TRAPPC10: variants seen among roughly 807,000 people sequenced by gnomAD.
TRAPPC10 encodes TRAPP 130 kDa subunit.
In TRAPPC10, 23 loss-of-function variants were observed where a neutral mutation model predicts 125.5. That is an observed-to-expected ratio of 0.18 (90% confidence interval 0.13 to 0.26). The LOEUF is 0.26. TRAPPC10 is among the 10% of genes least tolerant of loss of function. The probability of loss-of-function intolerance (pLI) is 1.00; values close to 1 mark genes in which losing one functional copy is unlikely to be tolerated. For synonymous variants in TRAPPC10, 509 were observed against 518.0 expected, an observed-to-expected ratio of 0.98 and a Z score of 0.24; for missense variants, 1,123 against 1,308.4, an observed-to-expected ratio of 0.86 and a Z score of 2.19.
rs34848979 is a variant in TRAPPC10, at chr21:44,060,915, T to TACACACACACACACAC, written c.790+1718_790+1733dup. 1.7e-3 allele frequency among the ~76,000 whole-genome samples: 222 copies of TACACACACACACACAC among 132,252 alleles called. 1 individual carries two copies. The highest frequency in any genetic ancestry group is 8.0e-3 in the Middle Eastern group (2 of 250). The allele number at this position is 132,252 out of a possible 152,430, so 86.8% of individuals were successfully genotyped here. A position where few individuals can be genotyped will look rare whatever the true frequency, so the allele number is the denominator to read the frequency against. On this transcript the variant is annotated intron_variant, in intron 6 of 22. Transcript: ENST00000291574. ...CATGCCCAGCCTATACATACATACA[T>TACACACACACACACAC]ACACACACACACACACACACACACA...
intron 19 of TRAPPC10, among the ~76,000 whole-genome samples, chr21:44,092,835 C>T (rs759044741): frequency 1.2e-4 from 19 of 152,040 alleles, no homozygotes; most frequent in Non-Finnish European, 2.6e-4. Context: ...TCGTTCTTGT[C>T]GCCCAGGCTG....
intron 1 of TRAPPC10, among the ~76,000 whole-genome samples, chr21:44,031,046 T>C (rs1026148249): frequency 1.3e-5 from 2 of 152,170 alleles, no homozygotes; most frequent in Admixed American, 6.5e-5. Context: ...GTGATGGAAC[T>C]GAGATGGGGA....
chr21:44,073,111 A>G (rs1162214688), intron 7 of TRAPPC10, among the ~76,000 whole-genome samples: 2 of 151,894 alleles, frequency 1.3e-5, no homozygotes, highest in Non-Finnish European at 2.9e-5. Context: ...GCAGTTTTTG[A>G]CCTACACTGA....
rs2038235898 is a variant in TRAPPC10 at position 44,087,665 on chromosome 21, A to G, written c.2540-34A>G. On this transcript the variant is annotated intron_variant, in intron 16 of 22. Transcript: ENST00000291574. The surrounding 1 kb of genome is among the most constrained non-coding windows in gnomAD (Gnocchi z 4.6). The stretch of plus-strand genomic sequence containing the variant: ...GAAAAGGACAAGTGAAACCGAGGGA[A>G]CAGCTTTGAAGTGACTTTTTCTGTC... 1 of 1,581,920 alleles carries G rather than the reference A, an allele frequency of 6.3e-7. No individual in the cohort carries two copies. Among genetic ancestry groups the G allele is most frequent in the African/African-American group, 1.3e-5 (1 of 74,546 alleles).
intron 1 of TRAPPC10, among the ~76,000 whole-genome samples, chr21:44,015,861 G>T (rs770857918): frequency 6.6e-6 from 1 of 152,148 alleles, no homozygotes; most frequent in East Asian, 1.9e-4. Flanking sequence ...TGACCTGCCC[G>T]CCTCGGCCTC....
chr21:44,077,458 G>A (rs751138431), intron 10 of TRAPPC10, among the ~76,000 whole-genome samples: 46 of 152,058 alleles, frequency 3.0e-4, no homozygotes, highest in South Asian at 6.2e-4. Context: ...GCCTGGTGGC[G>A]CCTGTAGTCC....
chr21:44,086,350 C>T (rs967674426), intron 15 of TRAPPC10, among the ~76,000 whole-genome samples: 1 of 152,234 alleles, frequency 6.6e-6, no homozygotes, highest in African/African-American at 2.4e-5. Context: ...GCTGACTGTT[C>T]TTAACCCAAA....
chr21:44,074,269 C>G (rs1345752129), intron 7 of TRAPPC10, 55 bp from the exon 8 acceptor site: 18 of 1,607,192 alleles, frequency 1.1e-5, no homozygotes, highest in Non-Finnish European at 6.8e-6. Flanking sequence ...TGGGTTTGTT[C>G]AAGCTAGAGC....
Position 44,037,801 on chromosome 21 carries a change from C to T in TRAPPC10, c.159C>T (p.Gly53=). The change falls in exon 3 of 23, where the codon GGC becomes GGT. Residue 53 remains glycine, a synonymous_variant. Coordinates refer to ENST00000291574, the MANE Select transcript of TRAPPC10 (RefSeq NM_003274.5). ...REPMEWRRSY[G]RAPKMIHLES... ...AAACAATTGTTTACAGGTCCTATGG[C>T]CGGGCTCCGAAGATGATTCACCTAG... 6.2e-7 allele frequency: 1 copy of T among 1,613,410 alleles called. No homozygotes were observed. Among genetic ancestry groups the T allele is most frequent in the African/African-American group, 1.3e-5 (1 of 75,022 alleles).
intron 6 of TRAPPC10, among the ~76,000 whole-genome samples, chr21:44,060,915 T>TACACACACACACACACAC (rs34848979): frequency 9.4e-4 from 124 of 132,254 alleles, no homozygotes; most frequent in African/African-American, 2.2e-3. Flanking sequence ...CATACATACA[T>TACACACACACACACACAC]ACACACACAC....
chr21:44,068,987 C>A (rs2036656108), intron 7 of TRAPPC10, among the ~76,000 whole-genome samples: 1 of 152,134 alleles, frequency 6.6e-6, no homozygotes, highest in African/African-American at 2.4e-5. Context: ...AAAAACAAAT[C>A]TTGATCTCAC....
chr21:44,039,393 C>G lies in TRAPPC10; in HGVS notation c.285+1466C>G, dbSNP rs1023212034. On this transcript the variant is annotated intron_variant, in intron 3 of 22. Coordinates refer to ENST00000291574, the MANE Select transcript of TRAPPC10 (RefSeq NM_003274.5). ...GCACCTGTGTTCTTTTGAGCACTTT[C>G]TAATCATTTGAGGCATACCAAGATG... Among the ~76,000 whole-genome samples, 35 of 152,332 alleles carry G rather than the reference C, an allele frequency of 2.3e-4. 3 individuals carry two copies. In the East Asian group the frequency reaches 2.7e-3, roughly 12 times the overall value.
rs2036218072 is a variant in TRAPPC10, at chr21:44,063,673, A to T, written c.926A>T (p.Tyr309Phe). The T allele has an allele frequency of 6.2e-7, 1 of 1,614,064 alleles. No individual in the cohort carries two copies. The highest frequency in any genetic ancestry group is 8.5e-7 in the Non-Finnish European group (1 of 1,180,030). ...GCCACCCTGTTAGATCTGCGCAGTT[A>T]CCTGTTCTCTCGCCAGTGCACCTTG... is the stretch of plus-strand genomic sequence containing the variant. ...REATLLDLRSYLFSRQCTLLL... is the reference protein window; with the variant it reads ...REATLLDLRSFLFSRQCTLLL... Residue 309 changes from tyrosine (Y) to phenylalanine (F), a missense_variant, in exon 7 of 23, where the codon TAC becomes TTC. Tyr to Phe is a conservative substitution (Grantham distance 22). Coordinates refer to ENST00000291574, the MANE Select transcript of TRAPPC10 (RefSeq NM_003274.5). This position sits in a 1 kb window ranked among gnomAD's most constrained non-coding sequence, Gnocchi z 4.4.
In TRAPPC10 at chr21:44,063,101, G is replaced by A. The variant is rs1434749329; in HGVS notation, c.791-437G>A. ...TGGTTGAGTTAGGGAAATAAGGAAGGAATATGTAATCTAAGGAAGACCAAA... is the reference window on the plus strand; with the variant it reads ...TGGTTGAGTTAGGGAAATAAGGAAGAAATATGTAATCTAAGGAAGACCAAA... On this transcript the variant is annotated intron_variant, in intron 6 of 22. Coordinates refer to ENST00000291574, the MANE Select transcript of TRAPPC10 (RefSeq NM_003274.5). This position sits in a 1 kb window ranked among gnomAD's most constrained non-coding sequence, Gnocchi z 4.4. 7 of 1,304,734 alleles carry A rather than the reference G, an allele frequency of 5.4e-6. No homozygotes were observed. Among genetic ancestry groups the A allele is most frequent in the Non-Finnish European group, 7.1e-6 (7 of 989,750 alleles). 80.8% of individuals were successfully genotyped at this position (1,304,734 alleles called of 1,614,324 possible).
chr21:44,079,120 T>C (rs1163865044), intron 11 of TRAPPC10, among the ~76,000 whole-genome samples: 1 of 152,156 alleles, frequency 6.6e-6, no homozygotes, highest in Non-Finnish European at 1.5e-5. Context: ...TCTGTGCCTT[T>C]AGTAGGTAGT....
At chr21:44,026,232 G>C (rs991617072) in intron 1 of TRAPPC10, among the ~76,000 whole-genome samples, 2 of 151,960 alleles carry the variant, frequency 1.3e-5, no homozygotes, top group African/African-American at 4.8e-5. Context: ...GACTGCGAAG[G>C]CTTTTCACGG....
intron 1 of TRAPPC10, among the ~76,000 whole-genome samples, chr21:44,024,691 ATT>A (rs2032883871): frequency 6.6e-6 from 1 of 151,996 alleles, no homozygotes; most frequent in Non-Finnish European, 1.5e-5. Context: ...CACTTGTTTT[ATT>A]TTTCCTGATT....
chr21:44,074,533 G>A lies in TRAPPC10; in HGVS notation c.1185+63G>A, dbSNP rs1020467210. 1.8e-4 allele frequency: 290 copies of A among 1,603,632 alleles called. 1 individual carries two copies. The highest frequency in any genetic ancestry group is 3.8e-5 in the Non-Finnish European group (45 of 1,173,176). Reference sequence around the variant, plus strand: ...TCTGCGGCCATGCCTGGGTGGCGGAGGAAGTCTGCTGTTTGGAGGAGAGGT... The same window carrying A: ...TCTGCGGCCATGCCTGGGTGGCGGAAGAAGTCTGCTGTTTGGAGGAGAGGT... On this transcript the variant is annotated intron_variant, in intron 8 of 22. Transcript: ENST00000291574.
At chr21:44,070,536 G>A (rs1193485660) in intron 7 of TRAPPC10, among the ~76,000 whole-genome samples, 2 of 152,200 alleles carry the variant, frequency 1.3e-5, no homozygotes, top group African/African-American at 4.8e-5. Context: ...GTTGGGTGCT[G>A]TGGCATGCTG....
Sources: allele counts gnomAD v4.1 joint callset (sites outside exome capture counted in the v4.1 genomes callset), GRCh38; gene constraint gnomAD v4.1.1; non-coding constraint Gnocchi (gnomAD v3.1); transcripts MANE v1.5; gene names NCBI Gene and HGNC (gene_info 2026-07-23, HGNC 2026-07-21).